Variants in SUSD1 observed in about 807,000 individuals in gnomAD.
The protein encoded by SUSD1 is sushi domain-containing protein 1.
SUSD1 carries 65 observed loss-of-function variants against 86.9 expected under a neutral mutation model. The observed-to-expected ratio is 0.75, with a 90% CI of 0.61 to 0.92. The LOEUF is 0.92. Among genes scored for constraint, SUSD1 ranks in the 40% least tolerant of loss-of-function variants. The pLI is 0.00. For synonymous variants in SUSD1, 346 were observed against 350.0 expected, an observed-to-expected ratio of 0.99 and a Z score of 0.13; for missense variants, 850 against 929.7, an observed-to-expected ratio of 0.91 and a Z score of 1.11.
At chr9:112,126,681 G>T (rs957230734) in intron 5 of SUSD1, among the ~76,000 whole-genome samples, 1 of 152,106 alleles carries the variant, frequency 6.6e-6, no homozygotes, top group African/African-American at 2.4e-5. Flanking sequence ...ACAGCTATAC[G>T]TCTGAATCCC....
intron 15 of SUSD1, chr9:112,042,170 AAAGG>A (rs758347770): frequency 1.3e-6 from 2 of 1,537,320 alleles, no homozygotes; most frequent in South Asian, 2.4e-5. Context: ...GTATTTCTGA[AAAGG>A]AAGTGTAAAG....
intron 10 of SUSD1, among the ~76,000 whole-genome samples, chr9:112,091,296 T>C (rs1830194802): frequency 6.6e-6 from 1 of 152,242 alleles, no homozygotes; most frequent in African/African-American, 2.4e-5. Context: ...TTTATGGTCT[T>C]AATTATCTTT....
rs181353606 is a variant in SUSD1, at chr9:112,070,820, G to A, written c.1753+7718C>T. Reference sequence around the variant, plus strand: ...CAGTGAAAAAAAGCTAGACAGTCTGGAAAGAGACCCAAAGAAATGCACCAG... The same window carrying A: ...CAGTGAAAAAAAGCTAGACAGTCTGAAAAGAGACCCAAAGAAATGCACCAG... On this transcript the variant is annotated intron_variant, in intron 12 of 16. Transcript: ENST00000374270. Among the ~76,000 whole-genome samples, 30 of 152,316 alleles carry A rather than the reference G, an allele frequency of 2.0e-4. No individual in the cohort carries two copies. The East Asian group carries it at 5.2e-3, about 26-fold the overall frequency.
intron 2 of SUSD1, 47 bp from the exon 3 acceptor site, chr9:112,149,446 G>A (rs201249932): frequency 4.3e-5 from 68 of 1,597,838 alleles, no homozygotes; most frequent in African/African-American, 2.7e-5. Flanking sequence ...AATCCACACC[G>A]ACTTCAACAG....
intron 14 of SUSD1, among the ~76,000 whole-genome samples, chr9:112,057,536 C>G (rs78781273): frequency 0.022 from 3,374 of 152,274 alleles, 158 homozygotes; most frequent in African/African-American, 0.078. Context: ...CTTTAACTTT[C>G]CTTTCTTTAT....
At chr9:112,171,469 T>A (rs977119163) in intron 1 of SUSD1, among the ~76,000 whole-genome samples, 1 of 152,232 alleles carries the variant, frequency 6.6e-6, no homozygotes, top group African/African-American at 2.4e-5. Flanking sequence ...TAGTAAACAA[T>A]CACACTGCAA....
At chr9:112,132,935 A>T (rs898365328) in intron 5 of SUSD1, among the ~76,000 whole-genome samples, 1 of 152,146 alleles carries the variant, frequency 6.6e-6, no homozygotes, top group East Asian at 1.9e-4. Flanking sequence ...GGAGGTTGGA[A>T]TCTAATGTCT....
chr9:112,057,295 C>T (rs1323442466), intron 14 of SUSD1, among the ~76,000 whole-genome samples: 1 of 152,172 alleles, frequency 6.6e-6, no homozygotes, highest in African/African-American at 2.4e-5. Context: ...ACCCAGTCTA[C>T]CATATTTCAC....
At chr9:112,076,850 C>T (rs1736274206) in intron 12 of SUSD1, among the ~76,000 whole-genome samples, 1 of 152,104 alleles carries the variant, frequency 6.6e-6, no homozygotes, top group Admixed American at 6.5e-5. Flanking sequence ...GAGGGAGTGT[C>T]AACGCTATCG....
In SUSD1 at chr9:112,143,607, T is replaced by C; in HGVS notation, c.390A>G (p.Glu130=). 6.2e-7 allele frequency: 1 copy of C among 1,612,678 alleles called. No individual in the cohort carries two copies. The highest frequency in any genetic ancestry group is 8.5e-7 in the Non-Finnish European group (1 of 1,179,596). ...GTFCTDIDEC[E]VSGLCRHGGR... ...CTCCATGCCTGCACAGGCCAGAAACTTCACACTCATCTATGTCTTGGGACC... is the reference window on the plus strand; with the variant it reads ...CTCCATGCCTGCACAGGCCAGAAACCTCACACTCATCTATGTCTTGGGACC... Residue 130 remains glutamate, a synonymous_variant, in exon 4 of 17, where the codon GAA becomes GAG. Transcript: ENST00000374270.
chr9:112,141,785 T>G (rs953928132), intron 5 of SUSD1, among the ~76,000 whole-genome samples: 1 of 146,658 alleles, frequency 6.8e-6, no homozygotes, highest in Admixed American at 6.9e-5. Flanking sequence ...ATGTAATATA[T>G]TACATATATT....
intron 1 of SUSD1, among the ~76,000 whole-genome samples, chr9:112,166,073 C>G (rs1451898902): frequency 6.6e-6 from 1 of 152,112 alleles, no homozygotes; most frequent in African/African-American, 2.4e-5. Context: ...GTTTGTTCCC[C>G]ACACCAGCAA....
chr9:112,090,885 C>T (rs115982441), intron 10 of SUSD1, among the ~76,000 whole-genome samples: 2,596 of 152,206 alleles, frequency 0.017, 71 homozygotes, highest in African/African-American at 0.06. Context: ...TGTGTCTATA[C>T]GCATGATTAG....
At chr9:112,100,551 G>A (rs1324185108) in intron 9 of SUSD1, among the ~76,000 whole-genome samples, 5 of 152,034 alleles carry the variant, frequency 3.3e-5, no homozygotes, top group African/African-American at 1.2e-4. Context: ...AATTGTACCT[G>A]GCCTGGCAAG....
In SUSD1 at chr9:112,135,210, C is replaced by CGATA. The variant is rs1277017884; in HGVS notation, c.706+7106_706+7109dup. ...CCCAAAAGTCTACTTGCTCTTAAGG[C>CGATA]GATAGAAAGAAAAACAGATTACTTT... On this transcript the variant is annotated intron_variant, in intron 5 of 16. Coordinates refer to ENST00000374270, the MANE Select transcript of SUSD1 (RefSeq NM_022486.5). Among the ~76,000 whole-genome samples, 117 of 152,100 alleles carry CGATA rather than the reference C, an allele frequency of 7.7e-4. 2 individuals are homozygous for CGATA. Among genetic ancestry groups the CGATA allele is most frequent in the Non-Finnish European group, 5.9e-5 (4 of 68,008 alleles).
At chr9:112,092,778 T>C (rs76646559) in intron 10 of SUSD1, among the ~76,000 whole-genome samples, 6,570 of 152,228 alleles carry the variant, frequency 0.043, 486 homozygotes, top group African/African-American at 0.15. Flanking sequence ...AAAAGATCAA[T>C]AGATTTGACT....
chr9:112,116,882 G>A (rs1387264447), intron 6 of SUSD1, among the ~76,000 whole-genome samples: 2 of 152,172 alleles, frequency 1.3e-5, no homozygotes, highest in East Asian at 3.9e-4. Flanking sequence ...GCTGACACCT[G>A]TAATCTCAGC....
chr9:112,125,110 A>G (rs1462999541), intron 5 of SUSD1, among the ~76,000 whole-genome samples: 2 of 152,190 alleles, frequency 1.3e-5, no homozygotes, highest in Non-Finnish European at 2.9e-5. Context: ...TCAGAATTTT[A>G]AAAAATCGAT....
intron 8 of SUSD1, 25 bp downstream of exon 8, chr9:112,111,629 G>A (rs976680472): frequency 3.1e-6 from 5 of 1,606,980 alleles, no homozygotes; most frequent in African/African-American, 2.7e-5. Flanking sequence ...TTTCTAGGAG[G>A]AAATGAGACT....
Sources: allele counts gnomAD v4.1 joint callset (sites outside exome capture counted in the v4.1 genomes callset), GRCh38; gene constraint gnomAD v4.1.1; transcripts MANE v1.5; gene names NCBI Gene and HGNC (gene_info 2026-07-23, HGNC 2026-07-21).